The following MAB21L1 variants were observed in gnomAD, a reference collection of about 807,000 sequenced individuals.
MAB21L1 encodes mab-21 like 1, also known as putative nucleotidyltransferase MAB21L1.
MAB21L1 carries 8 observed loss-of-function variants against 28.9 expected under a neutral mutation model. That is an observed-to-expected ratio of 0.28 (90% CI 0.16 to 0.50). The LOEUF is 0.50. MAB21L1 is among the 20% of genes least tolerant of loss of function. The pLI is 0.98. For synonymous variants in MAB21L1, 219 were observed against 198.2 expected (o/e 1.10, Z -0.88); for missense variants, 388 against 466.5 (o/e 0.83, Z 1.55).
chr13:35,476,415 C>T lies in MAB21L1; in HGVS notation c.-277G>A. On this transcript the variant is annotated 5_prime_UTR_variant, in exon 1 of 1. Transcript: ENST00000379919. ...TTAAAGTGAAAGACTGTCCTCCCCCCTCTGCTTGTCTCTCTTCCTCTTTTA... is the reference window on the plus strand; with the variant it reads ...TTAAAGTGAAAGACTGTCCTCCCCCTTCTGCTTGTCTCTCTTCCTCTTTTA... 1.0e-6 allele frequency: 1 copy of T among 966,402 alleles called. No homozygotes were observed. The highest frequency in any genetic ancestry group is 1.6e-6 in the Non-Finnish European group (1 of 615,112). The allele number at this position is 966,402 out of a possible 1,614,324, so 59.9% of individuals were successfully genotyped here. A position where few individuals can be genotyped will look rare whatever the true frequency, so the allele number is the denominator to read the frequency against.
In MAB21L1 at chr13:35,474,823, G is replaced by C. The variant is rs2075791142; in HGVS notation, c.*236C>G. On this transcript the variant is annotated 3_prime_UTR_variant, in exon 1 of 1. Coordinates refer to ENST00000379919, the MANE Select transcript of MAB21L1 (RefSeq NM_005584.5). ...TACTTTTCAAGGGAGATAGGAAATC[G>C]TGTGGAAAGAAGTCTTCTAATACTA... 1 of 494,658 alleles carries C rather than the reference G, an allele frequency of 2.0e-6. No individual in the cohort carries two copies. The highest frequency in any genetic ancestry group is 1.9e-5 in the African/African-American group (1 of 51,824). 30.6% of individuals were successfully genotyped at this position (494,658 alleles called of 1,614,324 possible). A position where few individuals can be genotyped will look rare whatever the true frequency, so the allele number is the denominator to read the frequency against.
Position 35,476,645 on chromosome 13 carries a change from AGTGT to A in MAB21L1, c.-511_-508del. On this transcript the variant is annotated 5_prime_UTR_variant, in exon 1 of 1. Coordinates refer to ENST00000379919, the MANE Select transcript of MAB21L1 (RefSeq NM_005584.5). ...GTGTGCTGAGTGTGTGTCCGGGGTG[AGTGT>A]GCGTGTGTATATGTCAGAAGAAGCT... is the stretch of plus-strand genomic sequence containing the variant. 3.9e-6 allele frequency: 2 copies of A among 509,616 alleles called. No individual in the cohort carries two copies. Among genetic ancestry groups the A allele is most frequent in the Non-Finnish European group, 6.7e-6 (2 of 298,024 alleles). The allele number at this position is 509,616 out of a possible 1,614,324, so 31.6% of individuals were successfully genotyped here.
Position 35,475,277 on chromosome 13 carries a change from C to G in MAB21L1, c.862G>C (p.Glu288Gln). The change falls in exon 1 of 1, where the codon GAG becomes CAG. Residue 288 changes from glutamate (E) to glutamine (Q), a missense_variant. This residue lies in a region of MAB21L1 where 218 missense variants were observed against 220.6 expected (regional missense o/e 0.99). Coordinates refer to ENST00000379919, the MANE Select transcript of MAB21L1 (RefSeq NM_005584.5). Reference protein sequence around the residue: ...VSYECEKHPRESDWDESCLGD... With the variant: ...VSYECEKHPRQSDWDESCLGD... ...AGGCAAGACTCGTCCCAGTCCGACTCTCGGGGATGCTTTTCACACTCGTAG... is the reference window on the plus strand; with the variant it reads ...AGGCAAGACTCGTCCCAGTCCGACTGTCGGGGATGCTTTTCACACTCGTAG... 6.2e-7 allele frequency: 1 copy of G among 1,614,086 alleles called. No homozygotes were observed. Among genetic ancestry groups the G allele is most frequent in the African/African-American group, 1.3e-5 (1 of 75,008 alleles).
At position 35,475,772 on chromosome 13, in the gene MAB21L1, G is replaced by A; in HGVS notation, c.367C>T (p.Leu123Phe). The change falls in exon 1 of 1, where the codon CTC becomes TTC. Residue 123 changes from leucine to phenylalanine, a missense_variant. Leu to Phe is a conservative substitution (Grantham distance 22, BLOSUM62 0). Coordinates refer to ENST00000379919, the MANE Select transcript of MAB21L1 (RefSeq NM_005584.5). ...WVEFITASGYLSARKIRSRFQ... is the reference protein window; with the variant it reads ...WVEFITASGYFSARKIRSRFQ... ...CTGGACCGGATTTTGCGCGCCGAGA[G>A]GTAGCCGGAGGCGGTAATGAATTCC... is the stretch of plus-strand genomic sequence containing the variant. The A allele has an allele frequency of 6.2e-7, 1 of 1,613,934 alleles. No individual in the cohort carries two copies. The highest frequency in any genetic ancestry group is 1.1e-5 in the South Asian group (1 of 91,072).
In MAB21L1 at chr13:35,475,215, G is replaced by A; in HGVS notation, c.924C>T (p.Ile308=). The change falls in exon 1 of 1, where the codon ATC becomes ATT. Residue 308 remains isoleucine (I), a synonymous_variant. Coordinates refer to ENST00000379919, the MANE Select transcript of MAB21L1 (RefSeq NM_005584.5). ...DRLNGILLQL[I]SCLQCRRCPH... ...GACACCGCCGGCACTGCAGGCAGGA[G>A]ATAAGTTGCAGCAAAATCCCGTTCA... 1 of 1,614,044 alleles carries A rather than the reference G, an allele frequency of 6.2e-7. No homozygotes were observed. The highest frequency in any genetic ancestry group is 2.2e-5 in the East Asian group (1 of 44,848).
Position 35,475,952 on chromosome 13 carries a change from A to G in MAB21L1, c.187T>C (p.Tyr63His). 6.2e-7 allele frequency: 1 copy of G among 1,614,156 alleles called. No individual in the cohort carries two copies. The highest frequency in any genetic ancestry group is 8.5e-7 in the Non-Finnish European group (1 of 1,180,032). The change falls in exon 1 of 1, where the codon TAC (tyrosine) becomes CAC (histidine). Residue 63 changes from tyrosine (Y) to histidine (H), a missense_variant. Coordinates refer to ENST00000379919, the MANE Select transcript of MAB21L1 (RefSeq NM_005584.5). ...GGGGAGATGACCTCGAGGCCCTCGT[A>G]GCGATTGTCCATCTCGTTGAGAGAG... ...ISSLNEMDNR[Y>H]EGLEVISPTE...
Position 35,476,203 on chromosome 13 carries a change from GC to G in MAB21L1, c.-66del, listed in dbSNP as rs985284886. The G allele has an allele frequency of 6.8e-6, 11 of 1,609,844 alleles. No homozygotes were observed. In the Admixed American group the frequency reaches 1.0e-4, roughly 15 times the overall value. On this transcript the variant is annotated 5_prime_UTR_variant, in exon 1 of 1. Coordinates refer to ENST00000379919, the MANE Select transcript of MAB21L1 (RefSeq NM_005584.5). ...GTAAGCTGTGGGATCCAATGCGGCT[GC>G]TAGAGCTGGAGCCAACTTCGGTGGA...
Position 35,475,935 on chromosome 13 carries a change from G to A in MAB21L1, c.204C>T (p.Val68=), listed in dbSNP as rs780302682. 9 of 1,614,148 alleles carry A rather than the reference G, an allele frequency of 5.6e-6. No homozygotes were observed. The part of the protein sequence containing the change: ...EMDNRYEGLE[V]ISPTEFEVVL... ...CCACTTCAAATTCGGTGGGGGAGAT[G>A]ACCTCGAGGCCCTCGTAGCGATTGT... Residue 68 remains valine (V), a synonymous_variant, in exon 1 of 1, where the codon GTC becomes GTT. Coordinates refer to ENST00000379919, the MANE Select transcript of MAB21L1 (RefSeq NM_005584.5).
Position 35,476,487 on chromosome 13 carries a change from G to A in MAB21L1, c.-349C>T. On this transcript the variant is annotated 5_prime_UTR_variant, in exon 1 of 1. Coordinates refer to ENST00000379919, the MANE Select transcript of MAB21L1 (RefSeq NM_005584.5). ...CCGCATGGAGAGATCACCTTCTCAG[G>A]AATAAAAAACAAAAGTTGCGCTGAG... 4.1e-6 allele frequency: 3 copies of A among 734,746 alleles called. No homozygotes were observed. Among genetic ancestry groups the A allele is most frequent in the South Asian group, 3.5e-5 (2 of 57,272 alleles). 45.5% of individuals were successfully genotyped at this position (734,746 alleles called of 1,614,324 possible). A position where few individuals can be genotyped will look rare whatever the true frequency, so the allele number is the denominator to read the frequency against.
In MAB21L1 at chr13:35,476,628, A is replaced by T; in HGVS notation, c.-490T>A. On this transcript the variant is annotated 5_prime_UTR_variant, in exon 1 of 1. Transcript: ENST00000379919. ...AATCAAATGGAGGAAAAGTGTGCTG[A>T]GTGTGTGTCCGGGGTGAGTGTGCGT... is the stretch of plus-strand genomic sequence containing the variant. 1 of 503,754 alleles carries T rather than the reference A, an allele frequency of 2.0e-6. No individual in the cohort carries two copies. The allele number at this position is 503,754 out of a possible 1,614,324, so 31.2% of individuals were successfully genotyped here. A position where few individuals can be genotyped will look rare whatever the true frequency, so the allele number is the denominator to read the frequency against.
Position 35,475,509 on chromosome 13 carries a change from G to A in MAB21L1, c.630C>T (p.Leu210=). ...VAEVKAEGFN[L]LSKECHSLAG... ...CCAAGGAGTGGCACTCCTTGGACAA[G>A]AGATTGAAACCTTCCGCCTTGACCT... Residue 210 remains leucine (L), a synonymous_variant, in exon 1 of 1, where the codon CTC becomes CTT. Coordinates refer to ENST00000379919, the MANE Select transcript of MAB21L1 (RefSeq NM_005584.5). 1.9e-6 allele frequency: 3 copies of A among 1,612,518 alleles called. No individual in the cohort carries two copies. Among genetic ancestry groups the A allele is most frequent in the Non-Finnish European group, 2.5e-6 (3 of 1,179,910 alleles).
chr13:35,476,335 G>A lies in MAB21L1; in HGVS notation c.-197C>T, dbSNP rs2075869017. ...TGCTGCTGCTGCTGCTGCTGCTGCT[G>A]CTGCTGCTGCTGCTGCTGCTTTTCC... On this transcript the variant is annotated 5_prime_UTR_variant, in exon 1 of 1. Coordinates refer to ENST00000379919, the MANE Select transcript of MAB21L1 (RefSeq NM_005584.5). 1 of 1,208,660 alleles carries A rather than the reference G, an allele frequency of 8.3e-7. No individual in the cohort carries two copies. The highest frequency in any genetic ancestry group is 2.0e-5 in the Admixed American group (1 of 48,958). The allele number at this position is 1,208,660 out of a possible 1,614,324, so 74.9% of individuals were successfully genotyped here.
chr13:35,475,593 C>G lies in MAB21L1; in HGVS notation c.546G>C (p.Arg182Ser), dbSNP rs2075830747. Reference protein sequence around the residue: ...PAFKCTGIWPRSAAHWPLPHI... With the variant: ...PAFKCTGIWPSSAAHWPLPHI... The stretch of plus-strand genomic sequence containing the variant: ...GGGGAAGTGGCCAGTGGGCAGCACT[C>G]CTCGGCCAGATCCCGGTGCATTTAA... Residue 182 changes from arginine (R) to serine (S), a missense_variant, in exon 1 of 1, where the codon AGG becomes AGC. Physicochemically the swap from Arg to Ser is moderately radical, Grantham distance 110. Around this residue, in one of 3 missense-constraint regions of MAB21L1, gnomAD observed 81 missense variants for 153.7 expected, o/e 0.53. Coordinates refer to ENST00000379919, the MANE Select transcript of MAB21L1 (RefSeq NM_005584.5). 1 of 1,613,558 alleles carries G rather than the reference C, an allele frequency of 6.2e-7. No homozygotes were observed. Among genetic ancestry groups the G allele is most frequent in the African/African-American group, 1.3e-5 (1 of 74,800 alleles).
At position 35,476,219 on chromosome 13, in the gene MAB21L1, A is replaced by G. The variant is rs938088888; in HGVS notation, c.-81T>C. 6.2e-7 allele frequency: 1 copy of G among 1,602,254 alleles called. No individual in the cohort carries two copies. The highest frequency in any genetic ancestry group is 8.5e-7 in the Non-Finnish European group (1 of 1,170,300). On this transcript the variant is annotated 5_prime_UTR_variant, in exon 1 of 1. Coordinates refer to ENST00000379919, the MANE Select transcript of MAB21L1 (RefSeq NM_005584.5). The stretch of plus-strand genomic sequence containing the variant: ...AATGCGGCTGCTAGAGCTGGAGCCA[A>G]CTTCGGTGGAGAAACGGGCCGCAAC...
Position 35,474,266 on chromosome 13 carries a change from A to G in MAB21L1, c.*793T>C, listed in dbSNP as rs1251893109. 3 of 152,622 alleles carry G rather than the reference A, an allele frequency of 2.0e-5. No homozygotes were observed. Among genetic ancestry groups the G allele is most frequent in the Non-Finnish European group, 4.4e-5 (3 of 68,022 alleles). 9.5% of individuals were successfully genotyped at this position (152,622 alleles called of 1,614,324 possible). ...AAACCAGCAACAAATTAAAATCTAAATCACAAAAGTAATTATCCAGTGTAT... is the reference window on the plus strand; with the variant it reads ...AAACCAGCAACAAATTAAAATCTAAGTCACAAAAGTAATTATCCAGTGTAT... On this transcript the variant is annotated 3_prime_UTR_variant, in exon 1 of 1. Coordinates refer to ENST00000379919, the MANE Select transcript of MAB21L1 (RefSeq NM_005584.5).
chr13:35,474,579 A>G lies in MAB21L1; in HGVS notation c.*480T>C, dbSNP rs1268605026. On this transcript the variant is annotated 3_prime_UTR_variant, in exon 1 of 1. Transcript: ENST00000379919. ...TTAAGTTCTGTTCACCAAATCACAA[A>G]ACACCAACATCCACACTTTCAAAGA... The G allele has an allele frequency of 6.5e-6, 1 of 153,392 alleles. No individual in the cohort carries two copies. Among genetic ancestry groups the G allele is most frequent in the African/African-American group, 2.4e-5 (1 of 41,468 alleles). The allele number at this position is 153,392 out of a possible 1,614,324, so 9.5% of individuals were successfully genotyped here.
Position 35,475,169 on chromosome 13 carries a change from A to G in MAB21L1, c.970T>C (p.Leu324=), listed in dbSNP as rs2152960631. 3 of 1,614,036 alleles carry G rather than the reference A, an allele frequency of 1.9e-6. No homozygotes were observed. In the South Asian group the frequency reaches 3.3e-5, roughly 18 times the overall value. ...RRCPHYFLPN[L]DLFQGKPHSA... ...TGAGGTTTGCCTTGAAACAGATCTA[A>G]GTTCGGTAGAAAGTAGTGGGGACAC... Residue 324 remains leucine, a synonymous_variant, in exon 1 of 1, where the codon TTA becomes CTA. Coordinates refer to ENST00000379919, the MANE Select transcript of MAB21L1 (RefSeq NM_005584.5).
At position 35,476,669 on chromosome 13, in the gene MAB21L1, G is replaced by T; in HGVS notation, c.-531C>A. ...GAGTGTGCGTGTGTATATGTCAGAA[G>T]AAGCTGCTGTTGGTTTGTCTAAGAG... On this transcript the variant is annotated 5_prime_UTR_variant, in exon 1 of 1. Transcript: ENST00000379919. The T allele has an allele frequency of 1.4e-6, 1 of 695,042 alleles. No homozygotes were observed. Among genetic ancestry groups the T allele is most frequent in the South Asian group, 3.1e-5 (1 of 32,208 alleles). The allele number at this position is 695,042 out of a possible 1,614,324, so 43.1% of individuals were successfully genotyped here. A position where few individuals can be genotyped will look rare whatever the true frequency, so the allele number is the denominator to read the frequency against.
At position 35,476,065 on chromosome 13, in the gene MAB21L1, G is replaced by A. The variant is rs757804229; in HGVS notation, c.74C>T (p.Ala25Val). The change falls in exon 1 of 1, where the codon GCT (alanine) becomes GTT (valine). Residue 25 changes from alanine to valine, a missense_variant. Physicochemically the swap from Ala to Val is moderately conservative, Grantham distance 64. Around this residue, in one of 3 missense-constraint regions of MAB21L1, gnomAD observed 89 missense variants for 92.2 expected, o/e 0.97. Coordinates refer to ENST00000379919, the MANE Select transcript of MAB21L1 (RefSeq NM_005584.5). Reference protein sequence around the residue: ...YYNEKCQARKAAIAKTIREVC... With the variant: ...YYNEKCQARKVAIAKTIREVC... ...TTCCCGGATAGTTTTGGCAATGGCA[G>A]CTTTCCTGGCTTGGCATTTTTCGTT... 2 of 1,614,230 alleles carry A rather than the reference G, an allele frequency of 1.2e-6. No homozygotes were observed. Among genetic ancestry groups the A allele is most frequent in the South Asian group, 1.1e-5 (1 of 91,080 alleles).
Sources: gnomAD v4.1 joint callset for allele counts on GRCh38, gnomAD v4.1.1 for gene constraint, gnomAD v4.1.1 regional missense constraint, MANE v1.5 for transcripts, NCBI Gene and HGNC (gene_info 2026-07-23, HGNC 2026-07-21) for gene names.